Variants in STPG2 observed in about 807,000 individuals in gnomAD.
The protein encoded by STPG2 is sperm-tail PG-rich repeat-containing protein 2.
In STPG2, 56 loss-of-function variants were observed where a neutral mutation model predicts 54.2. The ratio of observed to expected loss-of-function variants is 1.03; its 90% CI spans 0.83 to 1.29. The LOEUF (loss-of-function observed/expected upper bound fraction) is 1.29. Ranked by LOEUF, STPG2 falls within the 50% of genes most tolerant of loss-of-function variation. The pLI, the probability that STPG2 is intolerant of heterozygous loss-of-function variation, is 0.00. For synonymous variants in STPG2, 200 were observed against 181.8 expected, an observed-to-expected ratio of 1.10 and a Z score of -0.81; for missense variants, 596 against 544.9, an observed-to-expected ratio of 1.09 and a Z score of -0.93.
Position 97,942,917 on chromosome 4 carries a change from C to T in STPG2, c.1044+980G>A, listed in dbSNP as rs1401212246. On this transcript the variant is annotated intron_variant, in intron 8 of 10. Transcript: ENST00000295268. ...TCTACAAAAATGTATTTTAATAACA[C>T]CTTGTTCACAAAAGGCTACACTGTA... Among the ~76,000 whole-genome samples, 2 of 152,140 alleles carry T rather than the reference C, an allele frequency of 1.3e-5. 1 individual carries two copies. The highest frequency in any genetic ancestry group is 4.1e-4 in the South Asian group (2 of 4,832).
At chr4:97,686,898 G>C (rs1352523565) in intron 10 of STPG2, among the ~76,000 whole-genome samples, 1 of 150,708 alleles carries the variant, frequency 6.6e-6, no homozygotes, top group East Asian at 1.9e-4. Flanking sequence ...AAATGACATA[G>C]CTAACATTTT....
intron 8 of STPG2, among the ~76,000 whole-genome samples, chr4:97,875,321 C>T (rs968234647): frequency 2.6e-5 from 4 of 151,520 alleles, no homozygotes; most frequent in Non-Finnish European, 4.4e-5. Flanking sequence ...TATATACTTA[C>T]GTATATTGCA....
intron 4 of STPG2, among the ~76,000 whole-genome samples, chr4:98,106,285 C>A (rs879288392): frequency 6.6e-6 from 1 of 151,662 alleles, no homozygotes; most frequent in Non-Finnish European, 1.5e-5. Context: ...TATTATAAAC[C>A]TATCTGAATA....
intron 10 of STPG2, chr4:97,633,612 G>A: frequency 6.6e-6 from 1 of 152,228 alleles, no homozygotes; most frequent in Non-Finnish European, 1.5e-5. Flanking sequence ...GTGCCAGACA[G>A]TGGGCGCAGG....
At chr4:98,105,906 G>T in intron 5 of STPG2, 47 bp downstream of exon 5, 1 of 1,467,068 alleles carries the variant, frequency 6.8e-7, no homozygotes, top group South Asian at 1.2e-5. Context: ...AGGATTCAAT[G>T]ATCTTAAAAT....
At chr4:97,543,183 G>A (rs899948276) in intron 4 of STPG2, among the ~76,000 whole-genome samples, 1 of 151,096 alleles carries the variant, frequency 6.6e-6, no homozygotes, top group Admixed American at 6.6e-5. Context: ...TACATCAATG[G>A]TCTGGGGCTT....
chr4:97,855,047 C>T (rs1729290333), intron 8 of STPG2, among the ~76,000 whole-genome samples: 1 of 152,118 alleles, frequency 6.6e-6, no homozygotes, highest in Admixed American at 6.6e-5. Flanking sequence ...ATAATGGCTT[C>T]CAACTCTATT....
chr4:97,785,224 T>G (rs1002729813), intron 9 of STPG2, among the ~76,000 whole-genome samples: 3 of 152,042 alleles, frequency 2.0e-5, no homozygotes, highest in Non-Finnish European at 2.9e-5. Context: ...AAATTTGGCA[T>G]ATATTTAAAA....
At chr4:97,757,642 C>G (rs558573866) in intron 9 of STPG2, among the ~76,000 whole-genome samples, 1 of 152,120 alleles carries the variant, frequency 6.6e-6, no homozygotes, top group Non-Finnish European at 1.5e-5. Context: ...CTCTAATATA[C>G]AAATACACTA....
At chr4:98,045,711 T>C (rs1737103843) in intron 5 of STPG2, among the ~76,000 whole-genome samples, 1 of 152,158 alleles carries the variant, frequency 6.6e-6, no homozygotes, top group Non-Finnish European at 1.5e-5. Context: ...AATATTTATT[T>C]ATTTATTTAT....
At chr4:97,580,855 A>G (rs1732846875) in intron 10 of STPG2, among the ~76,000 whole-genome samples, 1 of 152,070 alleles carries the variant, frequency 6.6e-6, no homozygotes, top group Admixed American at 6.6e-5. Flanking sequence ...TTTCATGGAG[A>G]TACAGGTATT....
At chr4:97,623,670 G>C (rs2148926448) in intron 10 of STPG2, among the ~76,000 whole-genome samples, 1 of 152,242 alleles carries the variant, frequency 6.6e-6, no homozygotes, top group Admixed American at 6.5e-5. Flanking sequence ...ACATGTGCAT[G>C]ATGTGCAGGT....
intron 4 of STPG2, among the ~76,000 whole-genome samples, chr4:97,483,479 G>A (rs1730274876): frequency 1.3e-5 from 2 of 151,442 alleles, no homozygotes; most frequent in African/African-American, 4.8e-5. Flanking sequence ...AGATAAAGAG[G>A]GACATTATAT....
chr4:97,709,389 A>T (rs1724043611), intron 10 of STPG2, among the ~76,000 whole-genome samples: 1 of 151,578 alleles, frequency 6.6e-6, no homozygotes, highest in Non-Finnish European at 1.5e-5. Flanking sequence ...TATCTCACTT[A>T]TATTGTCCTA....
intron 8 of STPG2, among the ~76,000 whole-genome samples, chr4:97,848,313 T>C (rs1729031770): frequency 6.6e-6 from 1 of 152,160 alleles, no homozygotes; most frequent in African/African-American, 2.4e-5. Flanking sequence ...ATACCATATA[T>C]ATTTGAAATT....
intron 10 of STPG2, among the ~76,000 whole-genome samples, chr4:97,565,763 T>C (rs1310837884): frequency 6.6e-6 from 1 of 152,162 alleles, no homozygotes; most frequent in Admixed American, 6.5e-5. Context: ...TCGTGAACTG[T>C]GAATGCTGCT....
At chr4:97,882,455 G>A (rs1336493543) in intron 8 of STPG2, among the ~76,000 whole-genome samples, 1 of 152,128 alleles carries the variant, frequency 6.6e-6, no homozygotes, top group African/African-American at 2.4e-5. Flanking sequence ...ACTTTCCTCT[G>A]AGGGAGGACT....
chr4:98,086,666 G>GAAAAAA (rs35225418), intron 5 of STPG2, among the ~76,000 whole-genome samples: 11,295 of 94,384 alleles, frequency 0.12, 844 homozygotes, highest in Non-Finnish European at 0.16. Flanking sequence ...ATGCATGCCA[G>GAAAAAA]AAAAAAAAAA....
intron 4 of STPG2, among the ~76,000 whole-genome samples, chr4:97,443,403 A>G (rs188445268): frequency 2.6e-5 from 4 of 152,152 alleles, no homozygotes; most frequent in African/African-American, 9.7e-5. Context: ...CCTCCTTAAG[A>G]CATTTGCTAA....
Sources: gnomAD v4.1 joint callset for allele counts (sites outside exome capture counted in the v4.1 genomes callset) on GRCh38, gnomAD v4.1.1 for gene constraint, MANE v1.5 for transcripts, NCBI Gene and HGNC (gene_info 2026-07-23, HGNC 2026-07-21) for gene names.